NCKAP5: variants seen among roughly 807,000 people sequenced by gnomAD.
NCKAP5 encodes nck-associated protein 5.
A neutral mutation model predicts 167.0 loss-of-function variants in NCKAP5; 92 were observed. The ratio of observed to expected loss-of-function variants is 0.55; its 90% confidence interval spans 0.47 to 0.66. The LOEUF (loss-of-function observed/expected upper bound fraction) is 0.66, where lower values mean the gene tolerates loss of function less well. Ranked by LOEUF, NCKAP5 falls within the 30% of genes least tolerant of loss-of-function variation. The pLI, the probability that NCKAP5 is intolerant of heterozygous loss-of-function variation, is 0.00. For synonymous variants in NCKAP5, 891 were observed against 877.4 expected (o/e 1.02, Z -0.27); for missense variants, 2,378 against 2,315.0 (o/e 1.03, Z -0.56).
intron 5 of NCKAP5, among the ~76,000 whole-genome samples, chr2:133,154,464 C>A (rs1324404556): frequency 6.6e-6 from 1 of 152,204 alleles, no homozygotes; most frequent in Non-Finnish European, 1.5e-5. Context: ...ACTGGTACAG[C>A]AACCCATGTG....
At chr2:133,643,094 T>G in the NCKAP5 span, among the ~76,000 whole-genome samples, 1 of 152,150 alleles carries the variant, frequency 6.6e-6, no homozygotes, top group Non-Finnish European at 1.5e-5. Context: ...GGCATCCAAA[T>G]CACTCTGTCT....
At chr2:133,326,065 CTCT>C (rs1167796362) in intron 3 of NCKAP5, among the ~76,000 whole-genome samples, 1 of 152,156 alleles carries the variant, frequency 6.6e-6, no homozygotes, top group African/African-American at 2.4e-5. Flanking sequence ...TCATGCAGCT[CTCT>C]TCTTTAATTT....
intron 17 of NCKAP5, among the ~76,000 whole-genome samples, chr2:132,729,801 T>C (rs1014939064): frequency 1.3e-5 from 2 of 152,214 alleles, no homozygotes; most frequent in Non-Finnish European, 2.9e-5. Context: ...CAAGACATGC[T>C]GTGACAGCCT....
intron 19 of NCKAP5, among the ~76,000 whole-genome samples, chr2:132,709,102 C>T (rs1026448970): frequency 6.6e-6 from 1 of 152,000 alleles, no homozygotes; most frequent in Non-Finnish European, 1.5e-5. Context: ...TAGTAACTGT[C>T]TACACATTCT....
At chr2:133,097,856 T>C (rs910035043) in intron 6 of NCKAP5, among the ~76,000 whole-genome samples, 6 of 152,228 alleles carry the variant, frequency 3.9e-5, no homozygotes, top group African/African-American at 1.4e-4. Flanking sequence ...TCAGAGCTTG[T>C]GTTGTTTGGG....
chr2:133,541,438 A>G (rs2104887856), intron 2 of NCKAP5, among the ~76,000 whole-genome samples: 1 of 152,312 alleles, frequency 6.6e-6, no homozygotes, highest in Admixed American at 6.5e-5. Flanking sequence ...GATGGCTACA[A>G]TAATTTAAAT....
At chr2:133,387,961 T>A (rs1272137976) in intron 3 of NCKAP5, among the ~76,000 whole-genome samples, 1 of 152,124 alleles carries the variant, frequency 6.6e-6, no homozygotes, top group African/African-American at 2.4e-5. Context: ...TTTTTCAAGG[T>A]TTTTAACTTC....
At chr2:133,549,107 C>T (rs1349814680) in intron 2 of NCKAP5, among the ~76,000 whole-genome samples, 11 of 150,072 alleles carry the variant, frequency 7.3e-5, no homozygotes, top group Admixed American at 2.6e-4. Context: ...GACTTTAAAC[C>T]AACAAAGATC....
chr2:133,440,608 G>C (rs1220958393), intron 3 of NCKAP5, among the ~76,000 whole-genome samples: 2 of 150,530 alleles, frequency 1.3e-5, no homozygotes, highest in Non-Finnish European at 2.9e-5. Context: ...TACTCTGGAG[G>C]CTGAGGCAGG....
At chr2:133,424,491 C>T (rs1230484859) in intron 3 of NCKAP5, among the ~76,000 whole-genome samples, 1 of 152,164 alleles carries the variant, frequency 6.6e-6, no homozygotes, top group South Asian at 2.1e-4. Flanking sequence ...TTTGAAATAG[C>T]TATCATTTGT....
intron 8 of NCKAP5, chr2:132,931,575 G>A (rs1696381483): frequency 6.6e-6 from 1 of 152,088 alleles, no homozygotes; most frequent in South Asian, 2.1e-4. Context: ...TGATCTCAGT[G>A]CCTTCTTCCA....
At chr2:133,203,988 C>A (rs1051705881) in intron 5 of NCKAP5, among the ~76,000 whole-genome samples, 7 of 152,166 alleles carry the variant, frequency 4.6e-5, no homozygotes, top group Non-Finnish European at 7.3e-5. Flanking sequence ...TTTTATGTAA[C>A]CTTTTGCTCA....
intron 6 of NCKAP5, among the ~76,000 whole-genome samples, chr2:133,097,931 T>A (rs1044477848): frequency 2.0e-5 from 3 of 152,198 alleles, no homozygotes; most frequent in African/African-American, 7.2e-5. Flanking sequence ...GGAAGGCTGC[T>A]GACACTACCT....
chr2:133,266,967 C>T (rs2150394738), intron 4 of NCKAP5, among the ~76,000 whole-genome samples: 1 of 151,790 alleles, frequency 6.6e-6, no homozygotes, highest in East Asian at 2.0e-4. Flanking sequence ...CTCCGCCGGG[C>T]CCCCCCATCA....
At chr2:133,348,150 T>G (rs1340706073) in intron 3 of NCKAP5, among the ~76,000 whole-genome samples, 4 of 152,174 alleles carry the variant, frequency 2.6e-5, no homozygotes, top group Non-Finnish European at 5.9e-5. Context: ...CTTACACCAC[T>G]TGCTGAGTGT....
chr2:132,866,745 C>A (rs1387109322), intron 10 of NCKAP5, among the ~76,000 whole-genome samples: 1 of 152,146 alleles, frequency 6.6e-6, no homozygotes, highest in East Asian at 1.9e-4. Flanking sequence ...TATTATTTCA[C>A]CTCAAGGATC....
intron 4 of NCKAP5, among the ~76,000 whole-genome samples, chr2:133,224,760 T>G (rs2086808506): frequency 6.6e-6 from 1 of 152,204 alleles, no homozygotes; most frequent in South Asian, 2.1e-4. Context: ...CTAAAATGTT[T>G]CTAAAATACA....
At chr2:132,744,061 T>A (rs1174912776) in intron 16 of NCKAP5, among the ~76,000 whole-genome samples, 1 of 151,638 alleles carries the variant, frequency 6.6e-6, no homozygotes, top group East Asian at 1.9e-4. Flanking sequence ...TGACAGAACT[T>A]AAAAGAGAAA....
chr2:133,128,347 T>C (rs1443783077), intron 6 of NCKAP5, among the ~76,000 whole-genome samples: 1 of 152,178 alleles, frequency 6.6e-6, no homozygotes, highest in African/African-American at 2.4e-5. Flanking sequence ...AGTATAGAAA[T>C]GAATGCAGAT....
Sources: allele counts gnomAD v4.1 joint callset (sites outside exome capture counted in the v4.1 genomes callset), GRCh38; gene constraint gnomAD v4.1.1; transcripts MANE v1.5; gene names NCBI Gene and HGNC (gene_info 2026-07-23, HGNC 2026-07-21).